The following PDE1A variants were observed in gnomAD, a reference collection of about 807,000 sequenced individuals.
The protein encoded by PDE1A is phosphodiesterase 1A.
In PDE1A, 35 loss-of-function variants were observed where a neutral mutation model predicts 61.7. The observed-to-expected ratio is 0.57, with a 90% CI of 0.43 to 0.75. PDE1A has a LOEUF of 0.75. Among genes scored for constraint, PDE1A ranks in the 30% least tolerant of loss-of-function variants. The pLI is 0.00. For missense variants in PDE1A, 597 were observed against 630.6 expected, an observed-to-expected ratio of 0.95 and a Z score of 0.57; for synonymous variants, 232 against 213.2, an observed-to-expected ratio of 1.09 and a Z score of -0.77.
At chr2:182,581,408 G>T in the PDE1A span, among the ~76,000 whole-genome samples, 1 of 152,140 alleles carries the variant, frequency 6.6e-6, no homozygotes, top group Non-Finnish European at 1.5e-5. Context: ...AAGGCTCTGT[G>T]CATTCAAAAG....
intron 7 of PDE1A, among the ~76,000 whole-genome samples, chr2:182,213,497 G>GC (rs780383619): frequency 0.061 from 4,622 of 76,120 alleles, 195 homozygotes; most frequent in East Asian, 0.15. Flanking sequence ...CAAACCAAAG[G>GC]CAAAGAAGTT....
chr2:182,686,741 C>A, the PDE1A span, among the ~76,000 whole-genome samples: 1 of 152,236 alleles, frequency 6.6e-6, no homozygotes, highest in Non-Finnish European at 1.5e-5. Context: ...CATCACCTTA[C>A]CCGGGAAACG....
exon 8 of PDE1A, chr2:182,206,037 GATC>G (rs779492943): frequency 6.2e-7 from 1 of 1,609,882 alleles, no homozygotes; most frequent in Non-Finnish European, 8.5e-7. Flanking sequence ...AGGACAGAGC[GATC>G]ATTATACAAA....
In PDE1A at chr2:182,237,669, T is replaced by C. The variant is rs376261340; in HGVS notation, c.350+2441A>G. On this transcript the variant is annotated intron_variant, in intron 3 of 13. Transcript: ENST00000351439. ...ACAAACAGGGATAAGTGCTAGGAGGTAAACCACTGGCTGGGGGCAGCAATA... is the reference window on the plus strand; with the variant it reads ...ACAAACAGGGATAAGTGCTAGGAGGCAAACCACTGGCTGGGGGCAGCAATA... Among the ~76,000 whole-genome samples, 103 of 152,002 alleles carry C rather than the reference T, an allele frequency of 6.8e-4. 2 individuals are homozygous for C. In the South Asian group the frequency reaches 0.018, roughly 27 times the overall value.
At chr2:182,517,090 T>C (rs927544274) in intron 2 of PDE1A, among the ~76,000 whole-genome samples, 14 of 152,150 alleles carry the variant, frequency 9.2e-5, no homozygotes, top group African/African-American at 3.4e-4. Flanking sequence ...AGGAGAACCA[T>C]TGTAGATCCT....
At chr2:182,386,366 C>T (rs1303965178) in intron 1 of PDE1A, among the ~76,000 whole-genome samples, 1 of 151,430 alleles carries the variant, frequency 6.6e-6, no homozygotes, top group Non-Finnish European at 1.5e-5. Context: ...TGAGGAGCGC[C>T]TCTTCCTGGC....
chr2:182,181,804 C>T (rs543468294), intron 13 of PDE1A, among the ~76,000 whole-genome samples: 2 of 152,282 alleles, frequency 1.3e-5, no homozygotes, highest in East Asian at 3.9e-4. Flanking sequence ...GCAGTCTGGA[C>T]ACAGCCGCTT....
the PDE1A span, among the ~76,000 whole-genome samples, chr2:182,682,174 T>C: frequency 6.6e-5 from 10 of 152,162 alleles, no homozygotes; most frequent in Non-Finnish European, 1.0e-4. Context: ...TGTTACGGAA[T>C]ACCAGGCATT....
At chr2:182,394,665 T>A (rs75450631) in intron 1 of PDE1A, among the ~76,000 whole-genome samples, 9,426 of 152,184 alleles carry the variant, frequency 0.062, 976 homozygotes, top group African/African-American at 0.22. Flanking sequence ...GGATTGTTAG[T>A]TCAGGTCTGA....
chr2:182,242,950 T>TGTGTGTGTGTG (rs1553550797), intron 2 of PDE1A, among the ~76,000 whole-genome samples: 1 of 139,638 alleles, frequency 7.2e-6, no homozygotes, highest in Non-Finnish European at 1.6e-5. Flanking sequence ...TGTGTGTGTG[T>TGTGTGTGTGTG]TGTGTAGCTG....
chr2:182,142,094 G>T (rs1480923168), downstream of PDE1A: 1 of 150,832 alleles, frequency 6.6e-6, no homozygotes, highest in Non-Finnish European at 1.5e-5. Flanking sequence ...ACAGAAAAGT[G>T]TGGGTTTTCA....
the PDE1A span, among the ~76,000 whole-genome samples, chr2:182,654,961 C>T: frequency 6.6e-6 from 1 of 152,150 alleles, no homozygotes; most frequent in African/African-American, 2.4e-5. Context: ...TTCATCTGGC[C>T]TTTTTGCTCA....
At chr2:182,265,516 A>C (rs757936907) in intron 1 of PDE1A, among the ~76,000 whole-genome samples, 38 of 152,064 alleles carry the variant, frequency 2.5e-4, no homozygotes, top group Admixed American at 6.6e-4. Flanking sequence ...CCTTAGGATG[A>C]TGTGTCCCAA....
At chr2:182,347,968 G>C (rs1445718770) in intron 1 of PDE1A, among the ~76,000 whole-genome samples, 1 of 152,014 alleles carries the variant, frequency 6.6e-6, no homozygotes, top group Non-Finnish European at 1.5e-5. Flanking sequence ...ACGTAGTTTT[G>C]GGGAAAAAGG....
At chr2:182,716,274 A>G in the PDE1A span, 1 of 152,292 alleles carries the variant, frequency 6.6e-6, no homozygotes. Context: ...CGCCGTGGAG[A>G]CCGGCGCGTG....
At chr2:182,251,091 T>C (rs1012658951) in intron 2 of PDE1A, among the ~76,000 whole-genome samples, 8 of 152,186 alleles carry the variant, frequency 5.3e-5, no homozygotes, top group Admixed American at 4.6e-4. Context: ...AAAACATTTT[T>C]GAAAATATTC....
the PDE1A span, among the ~76,000 whole-genome samples, chr2:182,600,161 T>C: frequency 6.6e-6 from 1 of 152,220 alleles, no homozygotes; most frequent in Non-Finnish European, 1.5e-5. Flanking sequence ...AAGAGCTGAT[T>C]ATTAAAAAAA....
At chr2:182,615,091 G>A in the PDE1A span, among the ~76,000 whole-genome samples, 2 of 152,128 alleles carry the variant, frequency 1.3e-5, no homozygotes, top group African/African-American at 2.4e-5. Context: ...CCAAATGCAT[G>A]CCATTTTCAC....
chr2:182,413,920 CTTATTA>C (rs1373347741), intron 1 of PDE1A, among the ~76,000 whole-genome samples: 1 of 152,014 alleles, frequency 6.6e-6, no homozygotes, highest in Non-Finnish European at 1.5e-5. Context: ...TGCTTCTGAA[CTTATTA>C]TTATTGTTAT....
Sources: allele counts gnomAD v4.1 joint callset (sites outside exome capture counted in the v4.1 genomes callset), GRCh38; gene constraint gnomAD v4.1.1; transcripts MANE v1.5; gene names NCBI Gene and HGNC (gene_info 2026-07-23, HGNC 2026-07-21).